The following SEMA3D variants were observed in gnomAD, a reference collection of about 807,000 sequenced individuals.
SEMA3D encodes the protein semaphorin-3D.
A neutral mutation model predicts 100.1 loss-of-function variants in SEMA3D; 84 were observed. The observed-to-expected ratio is 0.84, with a 90% confidence interval of 0.70 to 1.01. The LOEUF is 1.01. Among genes scored for constraint, SEMA3D ranks in the 50% least tolerant of loss-of-function variants. The pLI is 0.00. For synonymous variants in SEMA3D, 312 were observed against 320.7 expected (o/e 0.97, Z 0.29); for missense variants, 875 against 934.1 (o/e 0.94, Z 0.82).
intron 2 of SEMA3D, among the ~76,000 whole-genome samples, chr7:85,138,450 G>C (rs1328490271): frequency 6.6e-6 from 1 of 151,422 alleles, no homozygotes; most frequent in East Asian, 1.9e-4. Context: ...CACCATGCCT[G>C]GCTAATTTTT....
intron 4 of SEMA3D, among the ~76,000 whole-genome samples, chr7:85,082,543 C>T (rs1465090111): frequency 6.6e-6 from 1 of 152,060 alleles, no homozygotes. Flanking sequence ...TCCAGGAGTT[C>T]CCGATAGACT....
At chr7:85,178,282 G>A (rs865890395) in intron 1 of SEMA3D, among the ~76,000 whole-genome samples, 17 of 152,296 alleles carry the variant, frequency 1.1e-4, no homozygotes, top group African/African-American at 4.1e-4. Flanking sequence ...ATGTGGAAGC[G>A]ACTTTGGAAC....
At chr7:85,108,879 TC>T (rs1374068540) in intron 3 of SEMA3D, among the ~76,000 whole-genome samples, 4 of 151,828 alleles carry the variant, frequency 2.6e-5, no homozygotes, top group Non-Finnish European at 5.9e-5. Context: ...ATAAGCTTTT[TC>T]CCCTCAGCTT....
intron 18 of SEMA3D, among the ~76,000 whole-genome samples, chr7:85,000,140 T>C (rs1302064024): frequency 6.6e-6 from 1 of 152,132 alleles, no homozygotes; most frequent in East Asian, 1.9e-4. Flanking sequence ...TTTCTCTCAA[T>C]ATGCAGATAG....
At chr7:85,200,225 G>A in the SEMA3D span, among the ~76,000 whole-genome samples, 1 of 152,212 alleles carries the variant, frequency 6.6e-6, no homozygotes, top group African/African-American at 2.4e-5. Context: ...GTAACATGCT[G>A]GGGATGGAAC....
intron 1 of SEMA3D, among the ~76,000 whole-genome samples, chr7:85,168,658 A>G (rs2116538756): frequency 7.0e-6 from 1 of 142,302 alleles, no homozygotes; most frequent in South Asian, 2.2e-4. Flanking sequence ...TTACTTTTGC[A>G]CCAACCTAAG....
chr7:85,053,123 C>G (rs950638549), intron 9 of SEMA3D, among the ~76,000 whole-genome samples: 2 of 151,952 alleles, frequency 1.3e-5, no homozygotes, highest in Non-Finnish European at 2.9e-5. Flanking sequence ...TGAACTATAA[C>G]AGCAAGAACA....
intron 8 of SEMA3D, among the ~76,000 whole-genome samples, chr7:85,056,546 A>G (rs910784212): frequency 5.3e-5 from 8 of 151,124 alleles, no homozygotes; most frequent in Admixed American, 2.7e-4. Flanking sequence ...TACATATAGC[A>G]TATATAAGCA....
At chr7:85,035,681 T>C (rs1790674520) in intron 12 of SEMA3D, among the ~76,000 whole-genome samples, 1 of 151,900 alleles carries the variant, frequency 6.6e-6, no homozygotes, top group African/African-American at 2.4e-5. Flanking sequence ...GTACCTATAC[T>C]CAACAATAAT....
chr7:85,086,510 A>G (rs1788217440), intron 4 of SEMA3D, among the ~76,000 whole-genome samples: 1 of 152,018 alleles, frequency 6.6e-6, no homozygotes, highest in Admixed American at 6.6e-5. Context: ...TTATATGTAT[A>G]TATATATCAC....
intron 6 of SEMA3D, among the ~76,000 whole-genome samples, chr7:85,071,235 A>G (rs1791765093): frequency 6.6e-6 from 1 of 152,196 alleles, no homozygotes; most frequent in South Asian, 2.1e-4. Flanking sequence ...TCAGAGTTAG[A>G]CAAGAGAACA....
chr7:85,085,590 A>G lies in SEMA3D; in HGVS notation c.313-4011T>C, dbSNP rs1371427858. Among the ~76,000 whole-genome samples the G allele has an allele frequency of 2.0e-5, 3 of 152,156 alleles. No individual in the cohort carries two copies. In the East Asian group the frequency reaches 5.8e-4, roughly 29 times the overall value. ...CTTCTGTATGTCAGCCAAGGCATCA[A>G]ATTGAGGTGCTTGGGTCTGAGTTAG... On this transcript the variant is annotated intron_variant, in intron 4 of 18. Transcript: ENST00000284136.
intron 1 of SEMA3D, among the ~76,000 whole-genome samples, chr7:85,181,402 T>C (rs1401826824): frequency 6.6e-6 from 1 of 150,826 alleles, no homozygotes; most frequent in African/African-American, 2.4e-5. Flanking sequence ...GAGGAGCCAA[T>C]TGAAAGAGCT....
At chr7:85,191,089 T>C (rs1190359640), upstream of SEMA3D, among the ~76,000 whole-genome samples, 7 of 151,958 alleles carry the variant, frequency 4.6e-5, no homozygotes, top group Non-Finnish European at 8.8e-5. Context: ...TGGGTTGGGG[T>C]GTGGTGAATA....
intron 5 of SEMA3D, among the ~76,000 whole-genome samples, chr7:85,073,692 G>A (rs1412065463): frequency 6.6e-6 from 1 of 152,128 alleles, no homozygotes; most frequent in Admixed American, 6.6e-5. Flanking sequence ...GAACACAAAC[G>A]TGCATCTCTA....
intron 3 of SEMA3D, 136 bp downstream of exon 3, chr7:85,121,605 A>G (rs542331246): frequency 5.7e-4 from 311 of 548,368 alleles, no homozygotes; most frequent in Non-Finnish European, 7.8e-4. Context: ...TTCGTGTTCT[A>G]TAATTCTATT....
intron 3 of SEMA3D, among the ~76,000 whole-genome samples, chr7:85,103,440 TG>T (rs1367948983): frequency 3.9e-5 from 6 of 152,046 alleles, no homozygotes; most frequent in Non-Finnish European, 7.4e-5. Context: ...ACAGGAACTT[TG>T]TTTTTTTATT....
intron 2 of SEMA3D, chr7:85,140,611 A>G (rs1326284482): frequency 1.1e-6 from 1 of 914,506 alleles, no homozygotes; most frequent in Non-Finnish European, 1.3e-6. Context: ...ATATATAATA[A>G]TCATATTATT....
intron 3 of SEMA3D, among the ~76,000 whole-genome samples, chr7:85,107,243 A>T (rs769807404): frequency 6.6e-6 from 1 of 152,066 alleles, no homozygotes; most frequent in African/African-American, 2.4e-5. Context: ...CATCTAAAAC[A>T]AATAAATGTC....
Sources: allele counts gnomAD v4.1 joint callset (sites outside exome capture counted in the v4.1 genomes callset), GRCh38; gene constraint gnomAD v4.1.1; transcripts MANE v1.5; gene names NCBI Gene and HGNC (gene_info 2026-07-23, HGNC 2026-07-21).